PLA2G7: variants seen among roughly 807,000 people sequenced by gnomAD.
PLA2G7 encodes phospholipase A2 group VII.
In PLA2G7, 63 loss-of-function variants were observed where a neutral mutation model predicts 49.6. The observed-to-expected ratio is 1.27, with a 90% CI of 1.04 to 1.57. The LOEUF (loss-of-function observed/expected upper bound fraction) is 1.57. Ranked by LOEUF, PLA2G7 falls within the 40% of genes most tolerant of loss-of-function variation. PLA2G7 has a pLI of 0.00. For missense variants in PLA2G7, 596 were observed against 521.2 expected (o/e 1.14, Z -1.40); for synonymous variants, 193 against 169.9 (o/e 1.14, Z -1.06).
At chr6:46,705,834 C>T (rs1389961614) in intron 10 of PLA2G7, among the ~76,000 whole-genome samples, 2 of 152,230 alleles carry the variant, frequency 1.3e-5, no homozygotes, top group Non-Finnish European at 1.5e-5. Context: ...AATAGCCTAA[C>T]GTCAAATAGA....
At chr6:46,728,510 C>A (rs1236636078) in intron 1 of PLA2G7, among the ~76,000 whole-genome samples, 1 of 152,206 alleles carries the variant, frequency 6.6e-6, no homozygotes, top group Non-Finnish European at 1.5e-5. Flanking sequence ...TCTAGGGAGG[C>A]AGATGCATGA....
At chr6:46,709,030 A>G (rs1764920866) in intron 9 of PLA2G7, among the ~76,000 whole-genome samples, 1 of 152,190 alleles carries the variant, frequency 6.6e-6, no homozygotes, top group Non-Finnish European at 1.5e-5. Context: ...TATCACAATC[A>G]TTATGTCACA....
rs776161468 is a variant in PLA2G7 at position 46,716,955 on chromosome 6, T to A, written c.231+20A>T. On this transcript the variant is annotated intron_variant, in intron 3 of 11. Coordinates refer to ENST00000274793, the MANE Select transcript of PLA2G7 (RefSeq NM_005084.4). ...ACAATATTAGAGTATCAGGATAAGT[T>A]GTATAAATCAAAGCATTACCTTATT... is the stretch of plus-strand genomic sequence containing the variant. 6.2e-7 allele frequency: 1 copy of A among 1,610,488 alleles called. No individual in the cohort carries two copies. Among genetic ancestry groups the A allele is most frequent in the Non-Finnish European group, 8.5e-7 (1 of 1,176,700 alleles).
intron 1 of PLA2G7, among the ~76,000 whole-genome samples, chr6:46,730,360 G>C (rs182538654): frequency 6.4e-4 from 98 of 152,310 alleles, no homozygotes; most frequent in African/African-American, 2.2e-3. Context: ...CAGAGGAGCA[G>C]TTAAAGTACA....
chr6:46,714,360 A>G, intron 5 of PLA2G7, 100 bp downstream of exon 5: 1 of 807,070 alleles, frequency 1.2e-6, no homozygotes, highest in South Asian at 1.3e-5. Context: ...CCTCCAGACA[A>G]GGGCCTGCAT....
At chr6:46,722,072 T>C (rs1765418448) in intron 2 of PLA2G7, among the ~76,000 whole-genome samples, 1 of 152,178 alleles carries the variant, frequency 6.6e-6, no homozygotes, top group South Asian at 2.1e-4. Context: ...ACAATCTTTT[T>C]CCAATTAAGG....
intron 1 of PLA2G7, among the ~76,000 whole-genome samples, chr6:46,723,983 C>T (rs1765489827): frequency 6.6e-6 from 1 of 152,156 alleles, no homozygotes. Context: ...CCAAGTACTC[C>T]ACACCCACCT....
At chr6:46,724,313 C>T (rs1250887173) in intron 1 of PLA2G7, among the ~76,000 whole-genome samples, 3 of 152,230 alleles carry the variant, frequency 2.0e-5, no homozygotes, top group Non-Finnish European at 4.4e-5. Flanking sequence ...ATGGTTTTTC[C>T]CCCTGCTGTA....
At chr6:46,728,514 T>G (rs913572434) in intron 1 of PLA2G7, among the ~76,000 whole-genome samples, 3 of 152,248 alleles carry the variant, frequency 2.0e-5, no homozygotes, top group African/African-American at 4.8e-5. Flanking sequence ...GGGAGGCAGA[T>G]GCATGAGATG....
At chr6:46,722,087 T>G (rs150662057) in intron 2 of PLA2G7, among the ~76,000 whole-genome samples, 6 of 152,272 alleles carry the variant, frequency 3.9e-5, no homozygotes, top group Non-Finnish European at 8.8e-5. Flanking sequence ...TTAAGGTCTC[T>G]CTTAGTGACA....
intron 2 of PLA2G7, among the ~76,000 whole-genome samples, chr6:46,717,979 G>T (rs1483676153): frequency 6.6e-6 from 1 of 152,154 alleles, no homozygotes; most frequent in Non-Finnish European, 1.5e-5. Context: ...GCCTCCCAAA[G>T]TGCTGGGTTT....
chr6:46,710,698 A>C, intron 7 of PLA2G7, 40 bp from the exon 8 acceptor site: 1 of 1,444,760 alleles, frequency 6.9e-7, no homozygotes, highest in Non-Finnish European at 9.7e-7. Context: ...CAAAGTAAAA[A>C]GTTATAACAC....
chr6:46,733,271 A>G (rs1162352078), intron 1 of PLA2G7, among the ~76,000 whole-genome samples: 1 of 152,176 alleles, frequency 6.6e-6, no homozygotes, highest in Admixed American at 6.5e-5. Flanking sequence ...TGCAAAGGGG[A>G]CAGAGACACA....
chr6:46,714,861 G>A (rs909522380), intron 4 of PLA2G7, among the ~76,000 whole-genome samples: 8 of 150,144 alleles, frequency 5.3e-5, no homozygotes, highest in East Asian at 2.0e-4. Context: ...TCAGCCTCCC[G>A]ATTAGCTGAG....
rs201615539 is a variant in PLA2G7, at chr6:46,710,645, G to C, written c.677C>G (p.Ala226Gly). The C allele has an allele frequency of 1.9e-5, 31 of 1,609,886 alleles. No individual in the cohort carries two copies. Among genetic ancestry groups the C allele is most frequent in the Non-Finnish European group, 2.6e-5 (30 of 1,176,346 alleles). The part of the protein sequence containing the change: ...HIRNEQVRQR[A>G]KECSQALSLI... ...ACTGAGAGCTTGGGAACATTCTTTT[G>C]CTCTTTGCCGTACCTAATATAATTA... is the stretch of plus-strand genomic sequence containing the variant. The change falls in exon 8 of 12, where the codon GCA (alanine) becomes GGA (glycine). Residue 226 changes from alanine to glycine, a missense_variant. Physicochemically the swap from Ala to Gly is moderately conservative, Grantham distance 60 (BLOSUM62 0). Coordinates refer to ENST00000274793, the MANE Select transcript of PLA2G7 (RefSeq NM_005084.4).
intron 4 of PLA2G7, among the ~76,000 whole-genome samples, 183 bp from the exon 5 acceptor site, chr6:46,714,736 G>GT (rs34589690): frequency 0.058 from 7,432 of 128,632 alleles, 250 homozygotes; most frequent in South Asian, 0.11. Flanking sequence ...TGAACTGTAA[G>GT]TTTTTTTTTT....
At chr6:46,716,751 A>G (rs1159725496) in intron 3 of PLA2G7, among the ~76,000 whole-genome samples, 4 of 152,242 alleles carry the variant, frequency 2.6e-5, no homozygotes, top group Non-Finnish European at 5.9e-5. Context: ...GCCTGGCTTC[A>G]GGTATTAAGG....
intron 10 of PLA2G7, 137 bp from the exon 11 acceptor site, chr6:46,705,438 C>A (rs771402758): frequency 8.4e-6 from 6 of 712,222 alleles, no homozygotes; most frequent in Non-Finnish European, 9.6e-6. Flanking sequence ...GTAATTTGAT[C>A]TACTTAGATG....
chr6:46,714,310 G>C, intron 5 of PLA2G7, 150 bp downstream of exon 5: 4 of 728,372 alleles, frequency 5.5e-6, no homozygotes, highest in Non-Finnish European at 1.0e-5. Context: ...GTCTAGGACT[G>C]ATCAATAGAC....
Sources: gnomAD v4.1 joint callset for allele counts (sites outside exome capture counted in the v4.1 genomes callset) on GRCh38, gnomAD v4.1.1 for gene constraint, MANE v1.5 for transcripts, NCBI Gene and HGNC (gene_info 2026-07-23, HGNC 2026-07-21) for gene names.